Variants in SEMA3D observed in about 807,000 individuals in gnomAD.
The protein encoded by SEMA3D is semaphorin 3D.
In SEMA3D, 84 loss-of-function variants were observed where a neutral mutation model predicts 100.1. That is an observed-to-expected ratio of 0.84 (90% CI 0.70 to 1.01). SEMA3D has a LOEUF of 1.01. Ranked by LOEUF, SEMA3D falls within the 50% of genes least tolerant of loss-of-function variation. SEMA3D has a pLI of 0.00. For synonymous variants in SEMA3D, 312 were observed against 320.7 expected, an observed-to-expected ratio of 0.97 and a Z score of 0.29; for missense variants, 875 against 934.1, an observed-to-expected ratio of 0.94 and a Z score of 0.82.
At chr7:85,129,453 A>T (rs906943255) in intron 2 of SEMA3D, among the ~76,000 whole-genome samples, 4 of 152,064 alleles carry the variant, frequency 2.6e-5, no homozygotes, top group South Asian at 2.1e-4. Context: ...AAAAATTGAA[A>T]TTTTTTTGTT....
At chr7:85,241,933 T>C in the SEMA3D span, among the ~76,000 whole-genome samples, 2 of 151,998 alleles carry the variant, frequency 1.3e-5, no homozygotes, top group Admixed American at 1.3e-4. Context: ...TGCCAGGATG[T>C]GGAGAAAAGG....
At chr7:85,111,547 C>T (rs1471692598) in intron 3 of SEMA3D, among the ~76,000 whole-genome samples, 1 of 152,066 alleles carries the variant, frequency 6.6e-6, no homozygotes, top group Non-Finnish European at 1.5e-5. Context: ...CCACTCCTAT[C>T]ACTTTGTGCC....
intron 1 of SEMA3D, among the ~76,000 whole-genome samples, chr7:85,179,330 C>A (rs139619235): frequency 8.5e-5 from 13 of 152,246 alleles, no homozygotes; most frequent in African/African-American, 3.1e-4. Context: ...GTGAAAGCAG[C>A]CAGGAGTGGG....
chr7:85,121,199 T>C (rs1789404251), intron 3 of SEMA3D, among the ~76,000 whole-genome samples: 1 of 152,222 alleles, frequency 6.6e-6, no homozygotes, highest in Admixed American at 6.5e-5. Context: ...CCATAATTCA[T>C]ATAAACTTTG....
At chr7:85,126,045 G>A (rs887200434) in intron 2 of SEMA3D, among the ~76,000 whole-genome samples, 1 of 152,004 alleles carries the variant, frequency 6.6e-6, no homozygotes, top group African/African-American at 2.4e-5. Context: ...CTGATTATGA[G>A]AGACTTTTAC....
chr7:85,115,285 C>T (rs1447845355), intron 3 of SEMA3D, among the ~76,000 whole-genome samples: 1 of 152,098 alleles, frequency 6.6e-6, no homozygotes, highest in South Asian at 2.1e-4. Context: ...TCCTGGCAAA[C>T]TGCTCAATCT....
intron 17 of SEMA3D, among the ~76,000 whole-genome samples, chr7:85,012,481 C>A (rs1380630312): frequency 6.6e-6 from 1 of 151,678 alleles, no homozygotes; most frequent in Non-Finnish European, 1.5e-5. Flanking sequence ...CCTGTTTTAT[C>A]TCTAATAGCA....
At chr7:85,122,180 A>G (rs899526337) in intron 2 of SEMA3D, among the ~76,000 whole-genome samples, 1 of 151,560 alleles carries the variant, frequency 6.6e-6, no homozygotes, top group Non-Finnish European at 1.5e-5. Context: ...GCACGTGTAC[A>G]CCTATGTAAG....
chr7:85,224,583 A>C, the SEMA3D span, among the ~76,000 whole-genome samples: 3 of 152,182 alleles, frequency 2.0e-5, no homozygotes, highest in Admixed American at 2.0e-4. Context: ...TGTTAGATGA[A>C]TGTGCATATT....
chr7:85,150,085 C>A (rs1790324464), intron 2 of SEMA3D, among the ~76,000 whole-genome samples: 1 of 151,898 alleles, frequency 6.6e-6, no homozygotes, highest in Non-Finnish European at 1.5e-5. Context: ...CGGTGCCCAA[C>A]ACATACGCAC....
chr7:85,143,413 C>T (rs1396536121), intron 2 of SEMA3D: 1 of 158,306 alleles, frequency 6.3e-6, no homozygotes, highest in Non-Finnish European at 1.4e-5. Flanking sequence ...GATGGTACAG[C>T]CTACTACACA....
At chr7:85,053,727 T>TTGAGA (rs1791231060) in intron 9 of SEMA3D, among the ~76,000 whole-genome samples, 9 of 152,058 alleles carry the variant, frequency 5.9e-5, no homozygotes, top group Non-Finnish European at 1.2e-4. Context: ...CAATGGATCA[T>TTGAGA]ATGTATAGTG....
chr7:85,222,574 A>C, the SEMA3D span, among the ~76,000 whole-genome samples: 1 of 152,072 alleles, frequency 6.6e-6, no homozygotes. Context: ...GAATTAATTG[A>C]TTTATTTAAA....
the SEMA3D span, among the ~76,000 whole-genome samples, chr7:85,229,602 T>A: frequency 3.3e-5 from 5 of 152,052 alleles, no homozygotes; most frequent in East Asian, 9.6e-4. Flanking sequence ...TAAGTGCCCT[T>A]GATGAAAAAC....
At chr7:85,087,354 T>C (rs1035183815) in intron 4 of SEMA3D, among the ~76,000 whole-genome samples, 2 of 152,192 alleles carry the variant, frequency 1.3e-5, no homozygotes, top group African/African-American at 4.8e-5. Flanking sequence ...TTTTGGTGGG[T>C]TGTGGTCTTT....
At chr7:85,049,278 C>T (rs374569839) in intron 9 of SEMA3D, among the ~76,000 whole-genome samples, 2 of 151,044 alleles carry the variant, frequency 1.3e-5, no homozygotes, top group South Asian at 4.2e-4. Flanking sequence ...CTGAAAAATA[C>T]ACCTAGTATT....
At chr7:85,072,039 A>C (rs973519669) in intron 6 of SEMA3D, among the ~76,000 whole-genome samples, 8 of 152,136 alleles carry the variant, frequency 5.3e-5, no homozygotes, top group African/African-American at 1.9e-4. Context: ...ATTGAGACTT[A>C]ATTTTTACTA....
At chr7:85,245,393 A>G in the SEMA3D span, among the ~76,000 whole-genome samples, 3 of 152,210 alleles carry the variant, frequency 2.0e-5, no homozygotes, top group African/African-American at 7.2e-5. Flanking sequence ...TAAGCATAGC[A>G]CAGTATTCAG....
chr7:85,031,446 G>T (rs971689084), intron 12 of SEMA3D, among the ~76,000 whole-genome samples: 1 of 151,998 alleles, frequency 6.6e-6, no homozygotes, highest in Middle Eastern at 3.2e-3. Context: ...TGCAGTAAGA[G>T]AAATGGTAAG....
Sources: allele counts gnomAD v4.1 joint callset (sites outside exome capture counted in the v4.1 genomes callset), GRCh38; gene constraint gnomAD v4.1.1; transcripts MANE v1.5; gene names NCBI Gene and HGNC (gene_info 2026-07-23, HGNC 2026-07-21).